CORIN: variants seen among roughly 807,000 people sequenced by gnomAD.
CORIN encodes the protein atrial natriuretic peptide-converting enzyme.
Under a neutral mutation model 125.3 loss-of-function variants are expected in CORIN, and 117 were observed. The observed-to-expected ratio is 0.93, with a 90% CI of 0.80 to 1.09. CORIN has a LOEUF of 1.09. Ranked by LOEUF, CORIN falls within the 50% of genes least tolerant of loss-of-function variation. CORIN has a pLI of 0.00. For synonymous variants in CORIN, 450 were observed against 466.4 expected (o/e 0.96, Z 0.45); for missense variants, 1,253 against 1,306.7 (o/e 0.96, Z 0.63).
intron 19 of CORIN, among the ~76,000 whole-genome samples, chr4:47,619,648 T>C (rs138219222): frequency 1.3e-5 from 2 of 152,344 alleles, no homozygotes; most frequent in East Asian, 3.9e-4. Flanking sequence ...TATAAGCACA[T>C]ATTTCTTCTC....
At chr4:47,712,541 C>T (rs1726898224) in intron 5 of CORIN, among the ~76,000 whole-genome samples, 1 of 152,116 alleles carries the variant, frequency 6.6e-6, no homozygotes, top group African/African-American at 2.4e-5. Flanking sequence ...CCTTGGCCTC[C>T]CAAAGTGCTA....
intron 5 of CORIN, chr4:47,706,475 C>T (rs1726559816): frequency 1.2e-6 from 2 of 1,611,366 alleles, no homozygotes; most frequent in African/African-American, 2.7e-5. Flanking sequence ...CAGCTCTCTG[C>T]TCTTCACAGG....
intron 16 of CORIN, among the ~76,000 whole-genome samples, chr4:47,637,807 C>A (rs1443013070): frequency 6.6e-6 from 1 of 152,142 alleles, no homozygotes; most frequent in Non-Finnish European, 1.5e-5. Flanking sequence ...AGTCAGAGAC[C>A]CCCACAAAGA....
intron 9 of CORIN, among the ~76,000 whole-genome samples, chr4:47,675,147 T>C (rs1465432171): frequency 6.6e-6 from 1 of 152,172 alleles, no homozygotes; most frequent in African/African-American, 2.4e-5. Flanking sequence ...TTCCTTAAGG[T>C]AGGTAGAGAG....
At chr4:47,743,915 T>C (rs529159285) in intron 5 of CORIN, among the ~76,000 whole-genome samples, 81 of 150,538 alleles carry the variant, frequency 5.4e-4, no homozygotes, top group African/African-American at 1.9e-3. Flanking sequence ...TGCACAAGAA[T>C]AGTAATAGCA....
chr4:47,817,834 T>C (rs1427197912), intron 1 of CORIN, among the ~76,000 whole-genome samples: 1 of 152,198 alleles, frequency 6.6e-6, no homozygotes, highest in Non-Finnish European at 1.5e-5. Context: ...TGATCCTAAG[T>C]TCACTCTGGA....
chr4:47,615,652 G>A (rs1377683712), intron 19 of CORIN, among the ~76,000 whole-genome samples: 1 of 152,120 alleles, frequency 6.6e-6, no homozygotes, highest in Non-Finnish European at 1.5e-5. Context: ...ACAGGCCAAG[G>A]AATACCAAAA....
At chr4:47,601,586 C>T (rs1192190970) in intron 20 of CORIN, among the ~76,000 whole-genome samples, 2 of 151,934 alleles carry the variant, frequency 1.3e-5, no homozygotes, top group East Asian at 1.9e-4. Flanking sequence ...TCATGCTATA[C>T]TACATGTGTG....
chr4:47,666,929 G>A (rs1560496757), intron 10 of CORIN, among the ~76,000 whole-genome samples: 2 of 152,202 alleles, frequency 1.3e-5, no homozygotes, highest in South Asian at 4.1e-4. Flanking sequence ...AAAGGGAAAA[G>A]GTAGTGCAAG....
chr4:47,824,905 C>T (rs1732675355), intron 1 of CORIN, among the ~76,000 whole-genome samples: 2 of 152,190 alleles, frequency 1.3e-5, no homozygotes, highest in Non-Finnish European at 1.5e-5. Flanking sequence ...GCCTTGCTTA[C>T]CCAACGTGGG....
intron 13 of CORIN, among the ~76,000 whole-genome samples, chr4:47,648,195 C>G (rs190874543): frequency 6.6e-6 from 1 of 152,254 alleles, no homozygotes; most frequent in Admixed American, 6.5e-5. Context: ...ATGATTCCAT[C>G]AAAAATTAAA....
At chr4:47,659,684 C>G (rs980355501) in intron 12 of CORIN, among the ~76,000 whole-genome samples, 7 of 152,184 alleles carry the variant, frequency 4.6e-5, no homozygotes, top group African/African-American at 1.7e-4. Flanking sequence ...GATCTGCCCC[C>G]ATGATCCAAA....
intron 5 of CORIN, among the ~76,000 whole-genome samples, chr4:47,715,747 A>G (rs1292026479): frequency 1.3e-5 from 2 of 152,248 alleles, no homozygotes; most frequent in Non-Finnish European, 2.9e-5. Context: ...TTCTTCAGAC[A>G]CATAAAGAAA....
At chr4:47,791,505 T>C (rs1195703722) in intron 2 of CORIN, among the ~76,000 whole-genome samples, 2 of 152,222 alleles carry the variant, frequency 1.3e-5, no homozygotes, top group African/African-American at 4.8e-5. Context: ...CCTTGCTAAG[T>C]TCCCTCACTA....
At chr4:47,713,848 T>C (rs150719089) in intron 5 of CORIN, among the ~76,000 whole-genome samples, 157 of 152,330 alleles carry the variant, frequency 1.0e-3, no homozygotes, top group Non-Finnish European at 1.5e-3. Context: ...ATCTTTTTTT[T>C]TAATGGCATA....
At chr4:47,752,530 T>G (rs180853416) in intron 4 of CORIN, among the ~76,000 whole-genome samples, 1 of 152,264 alleles carries the variant, frequency 6.6e-6, no homozygotes, top group East Asian at 1.9e-4. Flanking sequence ...TGCCCTCCAC[T>G]TCAGGTCAGC....
chr4:47,715,960 G>C lies in CORIN; in HGVS notation c.800-22877C>G, dbSNP rs149166368. 5.6e-3 allele frequency among the ~76,000 whole-genome samples: 850 copies of C among 152,270 alleles called. 9 individuals are homozygous for C. The highest frequency in any genetic ancestry group is 0.02 in the African/African-American group (814 of 41,554). Reference sequence around the variant, plus strand: ...AGTCTAAACTTTGCATCTGTTTGGCGTGAGGTTTCCTCCCTAAGAGAAAGG... The same window carrying C: ...AGTCTAAACTTTGCATCTGTTTGGCCTGAGGTTTCCTCCCTAAGAGAAAGG... On this transcript the variant is annotated intron_variant, in intron 5 of 21. Coordinates refer to ENST00000273857, the MANE Select transcript of CORIN (RefSeq NM_006587.4).
chr4:47,773,946 T>C (rs1730175320), intron 3 of CORIN, among the ~76,000 whole-genome samples: 2 of 151,948 alleles, frequency 1.3e-5, no homozygotes, highest in Non-Finnish European at 2.9e-5. Flanking sequence ...ACAAACATTC[T>C]GTCCATAAGA....
At chr4:47,765,807 T>C (rs996204546) in intron 3 of CORIN, among the ~76,000 whole-genome samples, 3 of 152,196 alleles carry the variant, frequency 2.0e-5, no homozygotes, top group African/African-American at 7.2e-5. Context: ...CCATTTGCAT[T>C]TTGTCTTCAG....
Sources: gnomAD v4.1 joint callset for allele counts (sites outside exome capture counted in the v4.1 genomes callset) on GRCh38, gnomAD v4.1.1 for gene constraint, MANE v1.5 for transcripts, NCBI Gene and HGNC (gene_info 2026-07-23, HGNC 2026-07-21) for gene names.